Variants in PARVB observed in about 807,000 individuals in gnomAD.
The protein encoded by PARVB is parvin beta.
In PARVB, 46 loss-of-function variants were observed where a neutral mutation model predicts 47.0. The ratio of observed to expected loss-of-function variants is 0.98; its 90% CI spans 0.77 to 1.25. The LOEUF is 1.25. Among genes scored for constraint, PARVB ranks in the 50% most tolerant of loss-of-function variants. The pLI is 0.00. For synonymous variants in PARVB, 196 were observed against 196.3 expected, an observed-to-expected ratio of 1.00 and a Z score of 0.01; for missense variants, 473 against 471.6, an observed-to-expected ratio of 1.00 and a Z score of -0.03.
At chr22:44,085,973 T>G (rs1045194965) in intron 1 of PARVB, among the ~76,000 whole-genome samples, 4 of 152,250 alleles carry the variant, frequency 2.6e-5, no homozygotes, top group African/African-American at 9.6e-5. Flanking sequence ...CACATTTCTT[T>G]TAGCTTCTCA....
Position 44,049,499 on chromosome 22 carries a change from C to T in PARVB, c.112+25048C>T, listed in dbSNP as rs552127652. Among the ~76,000 whole-genome samples, 279 of 152,306 alleles carry T rather than the reference C, an allele frequency of 1.8e-3. 1 individual carries two copies. Among genetic ancestry groups the T allele is most frequent in the African/African-American group, 6.3e-3 (263 of 41,564 alleles). ...TTTTTCACGGGCATAAAAATATCTG[C>T]GGAGTGAAAATGTGTGCAGAGGATG... On this transcript the variant is annotated intron_variant, in intron 1 of 12. Coordinates refer to ENST00000338758, the MANE Select transcript of PARVB (RefSeq NM_013327.5). This position sits in a 1 kb window ranked among gnomAD's most constrained non-coding sequence, Gnocchi z 4.0.
intron 1 of PARVB, among the ~76,000 whole-genome samples, chr22:44,088,855 G>A (rs962082772): frequency 6.6e-6 from 1 of 152,178 alleles, no homozygotes; most frequent in African/African-American, 2.4e-5. Flanking sequence ...AACGTTAGTG[G>A]TGCTCTCCCC....
chr22:44,138,174 C>T (rs976162444), intron 7 of PARVB, among the ~76,000 whole-genome samples: 5 of 152,216 alleles, frequency 3.3e-5, no homozygotes, highest in Non-Finnish European at 7.3e-5. Flanking sequence ...GGGCTGAGTG[C>T]AGTTCTTTTC....
intron 1 of PARVB, among the ~76,000 whole-genome samples, chr22:44,050,986 C>G (rs1048561601): frequency 6.6e-6 from 1 of 152,108 alleles, no homozygotes; most frequent in South Asian, 2.1e-4. Flanking sequence ...ACAGGGACAC[C>G]CCTTTCAGGC....
intron 6 of PARVB, among the ~76,000 whole-genome samples, chr22:44,135,385 A>G (rs1309587967): frequency 6.6e-6 from 1 of 152,124 alleles, no homozygotes; most frequent in East Asian, 1.9e-4. Context: ...CAGCCTCCCA[A>G]GTAGCTGAGA....
chr22:44,166,419 G>A (rs1399788351), intron 12 of PARVB, among the ~76,000 whole-genome samples: 7 of 152,214 alleles, frequency 4.6e-5, no homozygotes, highest in Admixed American at 6.5e-5. Context: ...CCTTTGTCCC[G>A]TTTTTGAGGA....
intron 4 of PARVB, among the ~76,000 whole-genome samples, chr22:44,122,578 G>GAGAGACACAGAGAC (rs2053091002): frequency 3.3e-5 from 4 of 119,952 alleles, no homozygotes; most frequent in African/African-American, 9.8e-5. Context: ...GAGAGAGAGA[G>GAGAGACACAGAGAC]AGAGAGAGAG....
At chr22:44,052,211 C>T (rs2051222960) in intron 1 of PARVB, among the ~76,000 whole-genome samples, 1 of 152,160 alleles carries the variant, frequency 6.6e-6, no homozygotes, top group African/African-American at 2.4e-5. Flanking sequence ...GTGAGTGAAA[C>T]TTGAAGGTCA....
At chr22:44,011,059 C>T (rs905609934) in intron 2 of PARVB, among the ~76,000 whole-genome samples, 6 of 152,034 alleles carry the variant, frequency 3.9e-5, no homozygotes, top group Non-Finnish European at 5.9e-5. Flanking sequence ...CTCCTGACCT[C>T]GTGATCCTCC....
intron 2 of PARVB, among the ~76,000 whole-genome samples, chr22:44,013,933 C>A (rs185352952): frequency 5.9e-5 from 9 of 152,188 alleles, no homozygotes; most frequent in African/African-American, 2.2e-4. Context: ...ATGCCTGGCT[C>A]GGTGTAACTT....
At chr22:44,130,872 G>A (rs2053292989) in intron 4 of PARVB, among the ~76,000 whole-genome samples, 1 of 151,890 alleles carries the variant, frequency 6.6e-6, no homozygotes, top group South Asian at 2.1e-4. Context: ...TTTTCAATCT[G>A]GCGTCATTCT....
At chr22:44,081,099 G>C (rs567909126) in intron 1 of PARVB, among the ~76,000 whole-genome samples, 1 of 152,188 alleles carries the variant, frequency 6.6e-6, no homozygotes, top group Non-Finnish European at 1.5e-5. Context: ...CCTGTGGGCC[G>C]TGAAGGCCTT....
intron 1 of PARVB, among the ~76,000 whole-genome samples, chr22:44,069,821 G>T (rs1479605963): frequency 6.6e-6 from 1 of 152,178 alleles, no homozygotes; most frequent in Admixed American, 6.5e-5. Context: ...GAGCCACCGC[G>T]CCCGGCCATG....
chr22:44,013,177 C>T (rs887188292), intron 2 of PARVB, among the ~76,000 whole-genome samples: 28 of 152,064 alleles, frequency 1.8e-4, no homozygotes, highest in Non-Finnish European at 1.8e-4. Context: ...GGATTACAGG[C>T]GTGAGTCACC....
chr22:44,036,766 A>T (rs1337695986), intron 1 of PARVB, among the ~76,000 whole-genome samples: 1 of 152,072 alleles, frequency 6.6e-6, no homozygotes, highest in Non-Finnish European at 1.5e-5. Context: ...TCAGGAGTTC[A>T]AGACCAGCCT....
intron 8 of PARVB, chr22:44,147,421 G>A: frequency 2.9e-6 from 1 of 340,142 alleles, no homozygotes; most frequent in Non-Finnish European, 5.8e-6. Flanking sequence ...CCCAGGCGAG[G>A]GGCAGTGAGG....
exon 2 of PARVB, chr22:43,999,627 C>T (rs763943031): frequency 1.9e-6 from 3 of 1,613,854 alleles, no homozygotes; most frequent in Non-Finnish European, 2.5e-6. Flanking sequence ...TTCTCCCTGG[C>T]TCAGACAGAT....
At chr22:44,034,392 ATATG>A (rs2050882328) in intron 1 of PARVB, among the ~76,000 whole-genome samples, 1 of 151,236 alleles carries the variant, frequency 6.6e-6, no homozygotes, top group Non-Finnish European at 1.5e-5. Context: ...ATACATATAT[ATATG>A]TTTGAGATGG....
chr22:44,005,136 G>T (rs1009591451), intron 2 of PARVB, among the ~76,000 whole-genome samples: 1 of 152,152 alleles, frequency 6.6e-6, no homozygotes, highest in African/African-American at 2.4e-5. Context: ...GTTTCACTCT[G>T]TCACCCAGGC....
Sources: allele counts gnomAD v4.1 joint callset (sites outside exome capture counted in the v4.1 genomes callset), GRCh38; gene constraint gnomAD v4.1.1; non-coding constraint Gnocchi (gnomAD v3.1); transcripts MANE v1.5; gene names NCBI Gene and HGNC (gene_info 2026-07-23, HGNC 2026-07-21).